Variants in RIMS2 observed in about 807,000 individuals in gnomAD.
RIMS2 encodes regulating synaptic membrane exocytosis protein 2.
In RIMS2, 59 loss-of-function variants were observed where a neutral mutation model predicts 174.4. The ratio of observed to expected loss-of-function variants is 0.34; its 90% CI spans 0.27 to 0.42. The LOEUF is 0.42. RIMS2 is among the 10% of genes least tolerant of loss of function. The probability of loss-of-function intolerance (pLI) is 1.00; values close to 1 mark genes in which losing one functional copy is unlikely to be tolerated. For missense variants in RIMS2, 1,620 were observed against 1,666.3 expected, an observed-to-expected ratio of 0.97 and a Z score of 0.48; for synonymous variants, 606 against 572.5, an observed-to-expected ratio of 1.06 and a Z score of -0.84.
intron 1 of RIMS2, among the ~76,000 whole-genome samples, chr8:103,599,729 C>A (rs1417065024): frequency 6.6e-6 from 1 of 152,004 alleles, no homozygotes; most frequent in Admixed American, 6.6e-5. Flanking sequence ...GGATTACAGG[C>A]ATGAGCCACT....
rs568464098 is a variant in RIMS2, at chr8:104,177,574, G to T, written c.3335-67342G>T. ...AAAATAAATTTAAACGCTTAAATGTGATCTCTTCAAATCGATCACATAGGC... is the reference window on the plus strand; with the variant it reads ...AAAATAAATTTAAACGCTTAAATGTTATCTCTTCAAATCGATCACATAGGC... On this transcript the variant is annotated intron_variant, in intron 19 of 23. Transcript: ENST00000504942. Among the ~76,000 whole-genome samples the T allele has an allele frequency of 3.9e-5, 6 of 152,176 alleles. No individual in the cohort carries two copies. The South Asian group carries it at 1.0e-3, about 26-fold the overall frequency.
intron 12 of RIMS2, among the ~76,000 whole-genome samples, chr8:103,934,618 A>G (rs551831080): frequency 2.6e-5 from 4 of 151,794 alleles, no homozygotes; most frequent in African/African-American, 9.7e-5. Flanking sequence ...TTCATTCTTT[A>G]TCTGAGAACT....
intron 1 of RIMS2, among the ~76,000 whole-genome samples, chr8:103,537,243 A>G (rs1241720818): frequency 2.6e-5 from 4 of 152,230 alleles, no homozygotes; most frequent in African/African-American, 9.6e-5. Flanking sequence ...GGAGACAGAA[A>G]TTAACAGTGA....
intron 14 of RIMS2, among the ~76,000 whole-genome samples, chr8:103,960,041 G>C (rs201536079): frequency 8.6e-6 from 1 of 116,624 alleles, no homozygotes; most frequent in Non-Finnish European, 2.3e-5. Flanking sequence ...CAAAAAACCC[G>C]TCAAAAAATC....
chr8:104,014,110 A>T (rs1440064162), intron 18 of RIMS2, among the ~76,000 whole-genome samples: 1 of 152,204 alleles, frequency 6.6e-6, no homozygotes, highest in African/African-American at 2.4e-5. Context: ...TATTTAATAT[A>T]AGCCTGAGTA....
At chr8:103,964,576 A>G (rs914180260) in intron 15 of RIMS2, among the ~76,000 whole-genome samples, 1 of 152,134 alleles carries the variant, frequency 6.6e-6, no homozygotes, top group Non-Finnish European at 1.5e-5. Context: ...GTCCTTTATA[A>G]AATGTGTCTT....
At chr8:104,228,296 G>A (rs1189964333) in intron 19 of RIMS2, among the ~76,000 whole-genome samples, 1 of 152,028 alleles carries the variant, frequency 6.6e-6, no homozygotes, top group East Asian at 1.9e-4. Context: ...CCAAAGTGCT[G>A]AGATTACAGG....
At position 103,645,593 on chromosome 8, in the gene RIMS2, C is replaced by T. The variant is rs182133534; in HGVS notation, c.177-51493C>T. 6.3e-3 allele frequency among the ~76,000 whole-genome samples: 962 copies of T among 152,188 alleles called. 12 individuals are homozygous for T. Among genetic ancestry groups the T allele is most frequent in the African/African-American group, 0.022 (910 of 41,528 alleles). On this transcript the variant is annotated intron_variant, in intron 1 of 23. Transcript: ENST00000504942. ...AGGGTAAAAACTAATAAACTGATCA[C>T]ATAGTCATAAGTTTACCTCTTAGGA... is the stretch of plus-strand genomic sequence containing the variant.
intron 1 of RIMS2, among the ~76,000 whole-genome samples, chr8:103,610,790 C>A (rs1253742093): frequency 6.6e-6 from 1 of 152,002 alleles, no homozygotes; most frequent in Non-Finnish European, 1.5e-5. Context: ...TGGAAATTTT[C>A]TTTTGTCATG....
chr8:104,090,263 T>C (rs1048103788), intron 19 of RIMS2, among the ~76,000 whole-genome samples: 8 of 151,730 alleles, frequency 5.3e-5, no homozygotes, highest in Non-Finnish European at 1.2e-4. Context: ...AAATTTTAGC[T>C]CAGCAAATTG....
At chr8:103,654,486 G>C (rs1431723710) in intron 1 of RIMS2, among the ~76,000 whole-genome samples, 1 of 151,842 alleles carries the variant, frequency 6.6e-6, no homozygotes, top group Non-Finnish European at 1.5e-5. Context: ...ATTCATTCTT[G>C]CTCTGTGATT....
At chr8:104,213,888 AAAGAAGAAGAAGAAGAAG>A (rs762065499) in intron 19 of RIMS2, among the ~76,000 whole-genome samples, 1 of 148,108 alleles carries the variant, frequency 6.8e-6, no homozygotes, top group Admixed American at 6.7e-5. Context: ...AAAAAAAAAA[AAAGAAGAAGAAGAAGAAG>A]AAGAAGAAGA....
At chr8:103,948,420 G>A (rs2084374199) in intron 14 of RIMS2, among the ~76,000 whole-genome samples, 1 of 152,190 alleles carries the variant, frequency 6.6e-6, no homozygotes, top group Non-Finnish European at 1.5e-5. Flanking sequence ...GGTAGAAATA[G>A]TCCAAATATT....
intron 1 of RIMS2, among the ~76,000 whole-genome samples, chr8:103,605,661 A>G (rs2095032270): frequency 6.6e-6 from 1 of 152,110 alleles, no homozygotes; most frequent in Admixed American, 6.5e-5. Context: ...ACTATTGAGT[A>G]TTGCCACAAT....
rs200979230 is a variant in RIMS2 at position 103,756,372 on chromosome 8, G to C, written c.388-9855G>C. 2.2e-5 allele frequency among the ~76,000 whole-genome samples: 3 copies of C among 135,664 alleles called. No homozygotes were observed. The South Asian group carries it at 6.7e-4, about 30-fold the overall frequency. 89.0% of individuals were successfully genotyped at this position (135,664 alleles called of 152,430 possible). ...GAATGGATCCTTGGGAGAGTTTTTT[G>C]TTGTTGTTGTTGTTTTTGTTTTTTT... On this transcript the variant is annotated intron_variant, in intron 2 of 23. Coordinates refer to ENST00000504942, the Ensembl canonical transcript of RIMS2.
intron 19 of RIMS2, among the ~76,000 whole-genome samples, chr8:104,171,807 C>G (rs2098834073): frequency 6.6e-6 from 1 of 152,080 alleles, no homozygotes; most frequent in South Asian, 2.1e-4. Flanking sequence ...TTCTACTGGA[C>G]TGTGTTTTTT....
intron 14 of RIMS2, among the ~76,000 whole-genome samples, chr8:103,944,297 T>A (rs2083215264): frequency 6.6e-6 from 1 of 152,098 alleles, no homozygotes; most frequent in Non-Finnish European, 1.5e-5. Context: ...TGTATGTAAA[T>A]TAATTTTATT....
chr8:104,068,444 C>T, intron 19 of RIMS2, 68 bp from the exon 23 acceptor site: 1 of 683,358 alleles, frequency 1.5e-6, no homozygotes, highest in Admixed American at 2.5e-5. Flanking sequence ...TTCGTTTATA[C>T]ATCCTGTAAG....
At chr8:104,221,730 C>T (rs2099156315) in intron 19 of RIMS2, among the ~76,000 whole-genome samples, 1 of 152,132 alleles carries the variant, frequency 6.6e-6, no homozygotes, top group African/African-American at 2.4e-5. Context: ...TACCATGGAA[C>T]TCTTATTTAT....
Sources: allele counts gnomAD v4.1 joint callset (sites outside exome capture counted in the v4.1 genomes callset), GRCh38; gene constraint gnomAD v4.1.1; transcripts MANE v1.5; gene names NCBI Gene and HGNC (gene_info 2026-07-23, HGNC 2026-07-21).